ZSWIM6: variants seen among roughly 807,000 people sequenced by gnomAD.
ZSWIM6 encodes the protein zinc finger SWIM-type containing 6.
ZSWIM6 carries 9 observed loss-of-function variants against 113.2 expected under a neutral mutation model. That is an observed-to-expected ratio of 0.08 (90% CI 0.05 to 0.14). The LOEUF (loss-of-function observed/expected upper bound fraction) is 0.14. Among genes scored for constraint, ZSWIM6 ranks in the 10% least tolerant of loss-of-function variants. The pLI is 1.00. For synonymous variants in ZSWIM6, 611 were observed against 606.5 expected (o/e 1.01, Z -0.11); for missense variants, 1,162 against 1,552.2 (o/e 0.75, Z 4.22).
chr5:61,421,512 G>A (rs181217688), intron 1 of ZSWIM6, among the ~76,000 whole-genome samples: 2 of 152,098 alleles, frequency 1.3e-5, no homozygotes, highest in Non-Finnish European at 2.9e-5. Flanking sequence ...AGGTTCAGGG[G>A]TACATGTGAA....
chr5:61,352,350 T>C (rs1744805045), intron 1 of ZSWIM6, among the ~76,000 whole-genome samples: 1 of 152,252 alleles, frequency 6.6e-6, no homozygotes, highest in Non-Finnish European at 1.5e-5. Flanking sequence ...TGTGTGTGAA[T>C]ATGTATATGT....
chr5:61,475,619 C>A (rs781239885), intron 2 of ZSWIM6, among the ~76,000 whole-genome samples: 39 of 152,234 alleles, frequency 2.6e-4, no homozygotes, highest in Non-Finnish European at 5.0e-4. Flanking sequence ...CAAATTTGCT[C>A]CCAGCCTGGA....
At chr5:61,443,301 A>T (rs1276690545) in intron 1 of ZSWIM6, among the ~76,000 whole-genome samples, 1 of 152,238 alleles carries the variant, frequency 6.6e-6, no homozygotes, top group East Asian at 1.9e-4. Flanking sequence ...ATTTAGCATA[A>T]TAATCATAAT....
chr5:61,510,558 A>G (rs919903001), intron 4 of ZSWIM6, among the ~76,000 whole-genome samples: 7 of 146,850 alleles, frequency 4.8e-5, no homozygotes, highest in African/African-American at 1.8e-4. Flanking sequence ...ACTTTGCCTT[A>G]TATGTTACAG....
chr5:61,521,730 A>G (rs1240140397), intron 5 of ZSWIM6, among the ~76,000 whole-genome samples: 1 of 152,210 alleles, frequency 6.6e-6, no homozygotes, highest in Non-Finnish European at 1.5e-5. Flanking sequence ...TATTATGGAC[A>G]TTCTTCTCTA....
intron 1 of ZSWIM6, among the ~76,000 whole-genome samples, chr5:61,412,711 CTA>C (rs1746170851): frequency 6.6e-6 from 1 of 152,172 alleles, no homozygotes. Flanking sequence ...GCTGAAGAAT[CTA>C]TGTTTTCTTA....
intron 1 of ZSWIM6, among the ~76,000 whole-genome samples, chr5:61,372,838 T>A (rs1579959418): frequency 1.3e-5 from 2 of 152,320 alleles, no homozygotes; most frequent in Admixed American, 1.3e-4. Flanking sequence ...GTCAGAAAAT[T>A]AGCAGCGTCT....
At chr5:61,509,193 A>G (rs779024673) in intron 4 of ZSWIM6, among the ~76,000 whole-genome samples, 6 of 152,128 alleles carry the variant, frequency 3.9e-5, no homozygotes, top group Non-Finnish European at 5.9e-5. Context: ...AGTATTATAC[A>G]TTTTCATTTT....
At chr5:61,521,515 C>A in intron 5 of ZSWIM6, 73 bp downstream of exon 5, 2 of 1,200,014 alleles carry the variant, frequency 1.7e-6, no homozygotes, top group Non-Finnish European at 2.2e-6. Context: ...TAGTAACTTA[C>A]AATGTATATG....
At chr5:61,411,842 G>A (rs1418092478) in intron 1 of ZSWIM6, among the ~76,000 whole-genome samples, 2 of 152,176 alleles carry the variant, frequency 1.3e-5, no homozygotes, top group African/African-American at 4.8e-5. Flanking sequence ...CCTTGTAAAG[G>A]CGGCACATCA....
chr5:61,337,962 G>A (rs901315439), intron 1 of ZSWIM6, among the ~76,000 whole-genome samples: 22 of 151,770 alleles, frequency 1.4e-4, no homozygotes, highest in Admixed American at 2.6e-4. Context: ...TGGTGTGTTC[G>A]CATATGTGTG....
intron 1 of ZSWIM6, among the ~76,000 whole-genome samples, chr5:61,456,899 T>C (rs1475106979): frequency 7.8e-6 from 1 of 127,556 alleles, no homozygotes; most frequent in Admixed American, 7.4e-5. Context: ...TCTTTTTTTT[T>C]TTTCTTTTTT....
In ZSWIM6 at chr5:61,332,553, T is replaced by C; in HGVS notation, c.281T>C (p.Val94Ala). The C allele has an allele frequency of 7.4e-7, 1 of 1,356,194 alleles. No individual in the cohort carries two copies. Among genetic ancestry groups the C allele is most frequent in the South Asian group, 1.3e-5 (1 of 77,972 alleles). The allele number at this position is 1,356,194 out of a possible 1,614,324, so 84.0% of individuals were successfully genotyped here. The change falls in exon 1 of 14, where the codon GTG becomes GCG. Residue 94 changes from valine to alanine, a missense_variant. Physicochemically the swap from Val to Ala is moderately conservative, Grantham distance 64. Transcript: ENST00000252744. ...GCGGAGAAGTGGCCGTTCCAGCGCG[T>C]GGAGGAGCGCTTTGAGCGCATCCCG... ...RVAEKWPFQRVEERFERIPEP... is the reference protein window; with the variant it reads ...RVAEKWPFQRAEERFERIPEP...
At position 61,485,852 on chromosome 5, in the gene ZSWIM6, A is replaced by G. The variant is rs573320017; in HGVS notation, c.1034-4934A>G. Among the ~76,000 whole-genome samples the G allele has an allele frequency of 3.9e-5, 6 of 152,266 alleles. No homozygotes were observed. The South Asian group carries it at 1.2e-3, about 32-fold the overall frequency. On this transcript the variant is annotated intron_variant, in intron 2 of 13. Coordinates refer to ENST00000252744, the MANE Select transcript of ZSWIM6 (RefSeq NM_020928.2). ...AAAAGATGTTTCCTTCCCCCATGTA[A>G]CTAGGTTACTTGTACTCTTTAAAAT...
chr5:61,500,542 G>A (rs1748438455), intron 4 of ZSWIM6, among the ~76,000 whole-genome samples: 1 of 152,076 alleles, frequency 6.6e-6, no homozygotes. Context: ...GAGCTGCCTG[G>A]CCTTGTCTGC....
intron 1 of ZSWIM6, among the ~76,000 whole-genome samples, chr5:61,381,616 A>G (rs1219628288): frequency 1.3e-5 from 2 of 152,168 alleles, no homozygotes; most frequent in East Asian, 3.9e-4. Context: ...TTGTTCTGTG[A>G]CATGTGGCTA....
intron 1 of ZSWIM6, among the ~76,000 whole-genome samples, chr5:61,389,212 A>G (rs375554557): frequency 5.9e-5 from 9 of 152,200 alleles, no homozygotes; most frequent in East Asian, 1.9e-4. Flanking sequence ...ATGGTACCAC[A>G]TTTGTATCCT....
chr5:61,364,715 CCTT>C (rs1745115069), intron 1 of ZSWIM6, among the ~76,000 whole-genome samples: 1 of 152,130 alleles, frequency 6.6e-6, no homozygotes, highest in African/African-American at 2.4e-5. Context: ...GTAGATGACA[CCTT>C]CTTGTTCTGA....
intron 1 of ZSWIM6, among the ~76,000 whole-genome samples, chr5:61,333,977 G>T (rs960614008): frequency 6.6e-6 from 1 of 152,202 alleles, no homozygotes; most frequent in African/African-American, 2.4e-5. Flanking sequence ...GCGGCAGCCC[G>T]GCACGACCCA....
Sources: allele counts gnomAD v4.1 joint callset (sites outside exome capture counted in the v4.1 genomes callset), GRCh38; gene constraint gnomAD v4.1.1; transcripts MANE v1.5; gene names NCBI Gene and HGNC (gene_info 2026-07-23, HGNC 2026-07-21).